Variants in ACAP2 observed in about 807,000 individuals in gnomAD.
ACAP2 encodes the protein arf-GAP with coiled-coil, ANK repeat and PH domain-containing protein 2.
A neutral mutation model predicts 115.8 loss-of-function variants in ACAP2; 39 were observed. The ratio of observed to expected loss-of-function variants is 0.34; its 90% CI spans 0.26 to 0.44. The LOEUF (loss-of-function observed/expected upper bound fraction) is 0.44, where lower values mean the gene tolerates loss of function less well. ACAP2 is among the 20% of genes least tolerant of loss of function. The pLI is 1.00. For synonymous variants in ACAP2, 289 were observed against 315.8 expected, an observed-to-expected ratio of 0.92 and a Z score of 0.90; for missense variants, 662 against 927.6, an observed-to-expected ratio of 0.71 and a Z score of 3.72.
At chr3:195,407,390 A>G (rs1712878625) in intron 1 of ACAP2, among the ~76,000 whole-genome samples, 1 of 152,106 alleles carries the variant, frequency 6.6e-6, no homozygotes, top group Non-Finnish European at 1.5e-5. Context: ...CATTAAAAAT[A>G]TAGTTATAAA....
At chr3:195,442,617 C>T (rs945847681) in intron 1 of ACAP2, among the ~76,000 whole-genome samples, 178 bp downstream of exon 1, 11 of 152,288 alleles carry the variant, frequency 7.2e-5, no homozygotes, top group African/African-American at 2.6e-4. Context: ...CGTCGCCCCT[C>T]GGGAGGGCTC....
intron 1 of ACAP2, among the ~76,000 whole-genome samples, chr3:195,427,541 A>C (rs1477481942): frequency 1.3e-5 from 2 of 152,220 alleles, no homozygotes; most frequent in African/African-American, 4.8e-5. Context: ...TATGGTTCCT[A>C]GAATACAAAC....
chr3:195,320,090 CGAA>C (rs1443437308), intron 10 of ACAP2, among the ~76,000 whole-genome samples: 1 of 152,132 alleles, frequency 6.6e-6, no homozygotes, highest in Non-Finnish European at 1.5e-5. Flanking sequence ...TGCTGCCTTG[CGAA>C]GAAGATGCCT....
At chr3:195,414,334 C>T (rs1713538699) in intron 1 of ACAP2, among the ~76,000 whole-genome samples, 1 of 152,142 alleles carries the variant, frequency 6.6e-6, no homozygotes, top group African/African-American at 2.4e-5. Context: ...GTCTCGAACT[C>T]CTGAGTTAAT....
chr3:195,319,190 C>T (rs1456988303), intron 10 of ACAP2, among the ~76,000 whole-genome samples: 1 of 152,206 alleles, frequency 6.6e-6, no homozygotes, highest in African/African-American at 2.4e-5. Context: ...CACCTAGATT[C>T]CAGAGGATGT....
At chr3:195,314,262 GA>G (rs1363105072) in intron 10 of ACAP2, among the ~76,000 whole-genome samples, 45 of 149,844 alleles carry the variant, frequency 3.0e-4, no homozygotes, top group African/African-American at 1.1e-3. Flanking sequence ...GGAGAAAGAA[GA>G]TTTTTTTTTT....
Position 195,392,077 on chromosome 3 carries a change from T to C in ACAP2, c.111+13A>G, listed in dbSNP as rs754611398. 1 of 1,607,920 alleles carries C rather than the reference T, an allele frequency of 6.2e-7. No homozygotes were observed. Among genetic ancestry groups the C allele is most frequent in the Non-Finnish European group, 8.5e-7 (1 of 1,175,186 alleles). On this transcript the variant is annotated intron_variant, in intron 2 of 22. Transcript: ENST00000326793. ...AGAATCAATGTTTCAAAAAGCTAAC[T>C]TGTAAAATTTACCTTATCAAGTTTT...
intron 7 of ACAP2, among the ~76,000 whole-genome samples, chr3:195,335,684 T>C (rs1730453265): frequency 6.6e-6 from 1 of 152,136 alleles, no homozygotes; most frequent in Non-Finnish European, 1.5e-5. Flanking sequence ...GGAAGTACAA[T>C]GTGTTTACCT....
chr3:195,405,761 T>C (rs1250031414), intron 1 of ACAP2, among the ~76,000 whole-genome samples: 3 of 151,770 alleles, frequency 2.0e-5, no homozygotes, highest in Non-Finnish European at 1.5e-5. Context: ...TTCTGCAGGC[T>C]GTATAGGAAG....
At chr3:195,309,284 G>A (rs765010939) in intron 10 of ACAP2, among the ~76,000 whole-genome samples, 2 of 152,130 alleles carry the variant, frequency 1.3e-5, no homozygotes, top group Non-Finnish European at 2.9e-5. Flanking sequence ...GCTCACGCCT[G>A]TAATCCCAGC....
intron 1 of ACAP2, among the ~76,000 whole-genome samples, chr3:195,435,153 G>T (rs1715436055): frequency 9.0e-5 from 1 of 11,170 alleles, no homozygotes; most frequent in Non-Finnish European, 1.7e-4. Flanking sequence ...TAGTTTGCTG[G>T]GGTGAAGATT....
At chr3:195,420,359 G>GT (rs1714078632) in intron 1 of ACAP2, among the ~76,000 whole-genome samples, 1 of 151,740 alleles carries the variant, frequency 6.6e-6, no homozygotes, top group African/African-American at 2.4e-5. Flanking sequence ...TTTTGTTTTG[G>GT]TTTTTTTGAG....
intron 4 of ACAP2, among the ~76,000 whole-genome samples, chr3:195,369,959 T>C (rs1385174668): frequency 6.6e-6 from 1 of 152,230 alleles, no homozygotes; most frequent in Non-Finnish European, 1.5e-5. Context: ...TTCTGACTGG[T>C]GTGAGATGGA....
intron 22 of ACAP2, among the ~76,000 whole-genome samples, chr3:195,281,261 C>T (rs1336467136): frequency 1.3e-5 from 2 of 151,912 alleles, no homozygotes; most frequent in African/African-American, 2.4e-5. Context: ...AAAAATTAGC[C>T]GGGCGTGGTG....
rs1022581956 is a variant in ACAP2, at chr3:195,326,563, G to A, written c.744+322C>T. 18 of 249,176 alleles carry A rather than the reference G, an allele frequency of 7.2e-5. 1 individual carries two copies. The South Asian group carries it at 9.4e-4, about 13-fold the overall frequency. 15.4% of individuals were successfully genotyped at this position (249,176 alleles called of 1,614,324 possible). A position where few individuals can be genotyped will look rare whatever the true frequency, so the allele number is the denominator to read the frequency against. ...ACACGGACACACACTTTTACAGGGA[G>A]TTGGTGGTATCCTAAATGTAATTAT... On this transcript the variant is annotated intron_variant, in intron 9 of 22. Coordinates refer to ENST00000326793, the MANE Select transcript of ACAP2 (RefSeq NM_012287.6).
chr3:195,354,353 AC>A (rs1481090602), intron 4 of ACAP2, among the ~76,000 whole-genome samples: 1 of 152,194 alleles, frequency 6.6e-6, no homozygotes, highest in East Asian at 1.9e-4. Context: ...ATGGTTATAT[AC>A]CCAGCAATGG....
At chr3:195,298,477 A>G (rs1177474108) in intron 15 of ACAP2, among the ~76,000 whole-genome samples, 1 of 151,964 alleles carries the variant, frequency 6.6e-6, no homozygotes. Flanking sequence ...GCTGGTCTCA[A>G]ACACCTAACA....
chr3:195,319,181 A>T (rs540821201), intron 10 of ACAP2, among the ~76,000 whole-genome samples: 2 of 152,358 alleles, frequency 1.3e-5, no homozygotes, highest in East Asian at 3.9e-4. Flanking sequence ...GGGAAACTCC[A>T]CCTAGATTCC....
chr3:195,342,724 G>C (rs9862710), intron 5 of ACAP2, 70 bp from the exon 6 acceptor site: 1 of 1,295,866 alleles, frequency 7.7e-7, no homozygotes, highest in Non-Finnish European at 1.0e-6. Context: ...GGCTGGGCGC[G>C]GTGGCTCACA....
Sources: gnomAD v4.1 joint callset for allele counts (sites outside exome capture counted in the v4.1 genomes callset) on GRCh38, gnomAD v4.1.1 for gene constraint, MANE v1.5 for transcripts, NCBI Gene and HGNC (gene_info 2026-07-23, HGNC 2026-07-21) for gene names.